GRM1: variants seen among roughly 807,000 people sequenced by gnomAD.
GRM1 encodes the protein glutamate metabotropic receptor 1.
Under a neutral mutation model 90.9 loss-of-function variants are expected in GRM1, and 33 were observed. That is an observed-to-expected ratio of 0.36 (90% CI 0.28 to 0.49). The LOEUF (loss-of-function observed/expected upper bound fraction) is 0.49. Ranked by LOEUF, GRM1 falls within the 20% of genes least tolerant of loss-of-function variation. The probability of loss-of-function intolerance (pLI) is 0.99; values close to 1 mark genes in which losing one functional copy is unlikely to be tolerated. For synonymous variants in GRM1, 700 were observed against 613.2 expected (o/e 1.14, Z -2.09); for missense variants, 1,190 against 1,534.3 (o/e 0.78, Z 3.75).
Position 146,046,723 on chromosome 6 carries a change from A to C in GRM1, c.700+16506A>C, listed in dbSNP as rs186091161. The stretch of plus-strand genomic sequence containing the variant: ...TTGGTAACATAAGCAAATATATGTA[A>C]AAAATTATCCAGATATTTTATTACA... On this transcript the variant is annotated intron_variant, in intron 1 of 7. Coordinates refer to ENST00000282753, the MANE Select transcript of GRM1 (RefSeq NM_001278064.2). Among the ~76,000 whole-genome samples the C allele has an allele frequency of 1.1e-4, 17 of 152,126 alleles. No individual in the cohort carries two copies. The East Asian group carries it at 2.5e-3, about 23-fold the overall frequency.
intron 1 of GRM1, among the ~76,000 whole-genome samples, chr6:146,110,197 T>C (rs1425576078): frequency 6.6e-6 from 1 of 152,152 alleles, no homozygotes; most frequent in Admixed American, 6.5e-5. Flanking sequence ...TTTTGCTGTG[T>C]CTCCACCCAA....
intron 1 of GRM1, among the ~76,000 whole-genome samples, chr6:146,115,769 G>A (rs925467582): frequency 2.0e-5 from 3 of 152,026 alleles, no homozygotes; most frequent in Admixed American, 2.0e-4. Context: ...GGATATTCTT[G>A]TATCTGGTCA....
chr6:146,136,849 CTT>C lies in GRM1; in HGVS notation c.701-22479_701-22478del, dbSNP rs57774648. Among the ~76,000 whole-genome samples, 34 of 90,958 alleles carry C rather than the reference CTT, an allele frequency of 3.7e-4. 1 individual carries two copies. The South Asian group carries it at 4.5e-3, about 12-fold the overall frequency. The allele number at this position is 90,958 out of a possible 152,430, so 59.7% of individuals were successfully genotyped here. On this transcript the variant is annotated intron_variant, in intron 1 of 7. Coordinates refer to ENST00000282753, the MANE Select transcript of GRM1 (RefSeq NM_001278064.2). ...GATTGTTTTCTTTGTTGTACAGAAG[CTT>C]TTTTTTTTTTTTTTTTTTTGAGACA...
chr6:146,344,689 G>A (rs1225527388), intron 3 of GRM1, among the ~76,000 whole-genome samples: 5 of 152,092 alleles, frequency 3.3e-5, no homozygotes, highest in African/African-American at 7.2e-5. Flanking sequence ...TCACAATTAC[G>A]ACACTGAGAC....
intron 2 of GRM1, among the ~76,000 whole-genome samples, chr6:146,303,609 C>T (rs1783471269): frequency 6.6e-6 from 1 of 152,134 alleles, no homozygotes; most frequent in Non-Finnish European, 1.5e-5. Context: ...CTTCCAGTTT[C>T]TGTGGGATGG....
chr6:146,276,545 A>T (rs900937018), intron 2 of GRM1, among the ~76,000 whole-genome samples: 53 of 152,198 alleles, frequency 3.5e-4, no homozygotes, highest in African/African-American at 1.2e-3. Context: ...TTTATTCAAG[A>T]CTCATTATGC....
intron 2 of GRM1, among the ~76,000 whole-genome samples, chr6:146,191,122 C>G (rs528350247): frequency 6.6e-6 from 1 of 152,146 alleles, no homozygotes; most frequent in Non-Finnish European, 1.5e-5. Context: ...AGGTCAGTTC[C>G]CCTTTCAGGA....
rs888539358 is a variant in GRM1, at chr6:146,369,163, T to A, written c.1602+11469T>A. Among the ~76,000 whole-genome samples the A allele has an allele frequency of 5.3e-5, 8 of 151,968 alleles. No individual in the cohort carries two copies. The South Asian group carries it at 6.2e-4, about 12-fold the overall frequency. ...TATTCACAATGGTCCTCTGTATTTC[T>A]GTGGTATCAATTGTGGTGCCTTTTT... On this transcript the variant is annotated intron_variant, in intron 5 of 7. Transcript: ENST00000282753.
At chr6:146,314,056 T>TG in intron 3 of GRM1, among the ~76,000 whole-genome samples, 1 of 77,890 alleles carries the variant, frequency 1.3e-5, no homozygotes, top group Non-Finnish European at 2.9e-5. Flanking sequence ...AATTCCTTTT[T>TG]TTTTTTTTTT....
At chr6:146,067,095 A>G (rs1775874332) in intron 1 of GRM1, among the ~76,000 whole-genome samples, 3 of 152,194 alleles carry the variant, frequency 2.0e-5, no homozygotes, top group South Asian at 4.1e-4. Flanking sequence ...AATATTTCCA[A>G]TTGAACTGGT....
chr6:146,175,490 T>C (rs944622397), intron 2 of GRM1, among the ~76,000 whole-genome samples: 1 of 152,222 alleles, frequency 6.6e-6, no homozygotes, highest in Non-Finnish European at 1.5e-5. Flanking sequence ...TCTATATAGA[T>C]GGTGTTTCTT....
At chr6:146,140,846 G>A (rs1478414745) in intron 1 of GRM1, among the ~76,000 whole-genome samples, 1 of 152,102 alleles carries the variant, frequency 6.6e-6, no homozygotes, top group African/African-American at 2.4e-5. Context: ...TTGGAAAGTT[G>A]TAGTTATTAA....
intron 1 of GRM1, among the ~76,000 whole-genome samples, chr6:146,135,325 A>G (rs1335567355): frequency 2.0e-5 from 3 of 152,186 alleles, no homozygotes; most frequent in African/African-American, 7.2e-5. Context: ...TATCTCTCCT[A>G]TAGATGGATG....
intron 1 of GRM1, among the ~76,000 whole-genome samples, chr6:146,142,844 G>A (rs568938434): frequency 7.2e-5 from 11 of 152,226 alleles, no homozygotes; most frequent in Non-Finnish European, 1.3e-4. Flanking sequence ...AAGAACCAAG[G>A]CCTGGAATCG....
At chr6:146,122,826 T>C (rs577352903) in intron 1 of GRM1, among the ~76,000 whole-genome samples, 2 of 147,486 alleles carry the variant, frequency 1.4e-5, no homozygotes, top group Non-Finnish European at 3.0e-5. Context: ...TTTTTCTTTC[T>C]TTTCTTTTCT....
chr6:146,159,430 C>T lies in GRM1; in HGVS notation c.783C>T (p.Ile261=). The T allele has an allele frequency of 6.2e-7, 1 of 1,614,204 alleles. No homozygotes were observed. Among genetic ancestry groups the T allele is most frequent in the Non-Finnish European group, 8.5e-7 (1 of 1,180,020 alleles). Residue 261 remains isoleucine, a synonymous_variant, in exon 2 of 8, where the codon ATC becomes ATT. Coordinates refer to ENST00000282753, the MANE Select transcript of GRM1 (RefSeq NM_001278064.2). ...TCTGTATCGCCCATTCTGACAAAAT[C>T]TACAGCAACGCTGGGGAGAAGAGCT... ...EGLCIAHSDK[I]YSNAGEKSFD...
intron 1 of GRM1, among the ~76,000 whole-genome samples, chr6:146,060,470 A>C (rs1775625725): frequency 6.6e-6 from 1 of 152,116 alleles, no homozygotes; most frequent in African/African-American, 2.4e-5. Context: ...CTCAATGTCT[A>C]GCTGCCATTT....
At chr6:146,277,606 C>T (rs1782422146) in intron 2 of GRM1, among the ~76,000 whole-genome samples, 1 of 152,182 alleles carries the variant, frequency 6.6e-6, no homozygotes. Context: ...ATGCAACTGC[C>T]TTGGGGGAAG....
In GRM1 at chr6:146,399,310, G is replaced by A; in HGVS notation, c.2271G>A (p.Leu757=). The A allele has an allele frequency of 6.2e-7, 1 of 1,614,124 alleles. No homozygotes were observed. Among genetic ancestry groups the A allele is most frequent in the Non-Finnish European group, 8.5e-7 (1 of 1,180,012 alleles). ...GCAACCTGGGTGTGGTGGCCCCTTT[G>A]GGCTACAATGGACTCCTCATCATGA... ...NTSNLGVVAP[L]GYNGLLIMSC... is the part of the protein sequence containing the mutation. The change falls in exon 7 of 8, where the codon TTG becomes TTA. Residue 757 remains leucine (L), a synonymous_variant. Transcript: ENST00000282753. The surrounding 1 kb of genome is among the most constrained non-coding windows in gnomAD (Gnocchi z 5.4).
Sources: gnomAD v4.1 joint callset for allele counts (sites outside exome capture counted in the v4.1 genomes callset) on GRCh38, gnomAD v4.1.1 for gene constraint, Gnocchi (gnomAD v3.1) non-coding constraint, MANE v1.5 for transcripts, NCBI Gene and HGNC (gene_info 2026-07-23, HGNC 2026-07-21) for gene names.